Variants in PABPC4L observed in about 807,000 individuals in gnomAD.
PABPC4L encodes poly(A) binding protein cytoplasmic 4 like.
For missense variants in PABPC4L, 452 were observed against 451.4 expected (o/e 1.00, Z -0.01); for synonymous variants, 169 against 164.1 (o/e 1.03, Z -0.23).
At chr4:134,093,881 A>T in the PABPC4L span, among the ~76,000 whole-genome samples, 2 of 151,294 alleles carry the variant, frequency 1.3e-5, no homozygotes, top group African/African-American at 4.8e-5. Flanking sequence ...GCCTATATTT[A>T]TATTTGTATA....
the PABPC4L span, among the ~76,000 whole-genome samples, chr4:134,026,109 G>A: frequency 6.6e-5 from 10 of 152,152 alleles, no homozygotes; most frequent in Admixed American, 5.9e-4. Flanking sequence ...TGTCACCCTG[G>A]TGTTTGAGTT....
At chr4:134,072,767 T>A in the PABPC4L span, among the ~76,000 whole-genome samples, 1 of 152,110 alleles carries the variant, frequency 6.6e-6, no homozygotes, top group African/African-American at 2.4e-5. Context: ...AGACTTACTA[T>A]CATGGTGAAA....
chr4:134,157,286 A>G, the PABPC4L span, among the ~76,000 whole-genome samples: 2 of 151,132 alleles, frequency 1.3e-5, no homozygotes, highest in African/African-American at 2.4e-5. Flanking sequence ...TTTAGTATTA[A>G]GATTTCATTT....
At chr4:134,067,297 A>C in the PABPC4L span, among the ~76,000 whole-genome samples, 2 of 152,066 alleles carry the variant, frequency 1.3e-5, no homozygotes, top group Non-Finnish European at 2.9e-5. Flanking sequence ...CATTTCTTCT[A>C]GGTTTTCTAG....
chr4:134,195,878 C>T (rs1031273705), downstream of PABPC4L, among the ~76,000 whole-genome samples: 2 of 151,754 alleles, frequency 1.3e-5, no homozygotes, highest in Middle Eastern at 3.4e-3. Context: ...AGTACACATG[C>T]ACTTGGGAGA....
At chr4:134,088,003 G>A in the PABPC4L span, among the ~76,000 whole-genome samples, 84 of 152,040 alleles carry the variant, frequency 5.5e-4, 1 homozygote, top group African/African-American at 1.9e-3. Flanking sequence ...TATAAAGCCT[G>A]ACTGTTCTTT....
the PABPC4L span, among the ~76,000 whole-genome samples, chr4:134,175,487 C>T: frequency 2.6e-5 from 4 of 151,776 alleles, no homozygotes; most frequent in African/African-American, 7.3e-5. Flanking sequence ...CTCGCTCTGT[C>T]GCCCAGGCTG....
chr4:133,998,084 C>A, the PABPC4L span, among the ~76,000 whole-genome samples: 2 of 151,768 alleles, frequency 1.3e-5, no homozygotes, highest in African/African-American at 4.8e-5. Context: ...TACTTATATA[C>A]TTCTGATGTG....
At chr4:134,084,867 A>G in the PABPC4L span, among the ~76,000 whole-genome samples, 827 of 152,248 alleles carry the variant, frequency 5.4e-3, 5 homozygotes, top group Non-Finnish European at 8.3e-3. Flanking sequence ...CAAGACAGGG[A>G]AAGATTAGGC....
At chr4:134,158,746 A>G in the PABPC4L span, among the ~76,000 whole-genome samples, 1 of 152,142 alleles carries the variant, frequency 6.6e-6, no homozygotes, top group East Asian at 1.9e-4. Context: ...GTACCAGAAT[A>G]TAAATATGGT....
At chr4:133,963,925 CA>C in the PABPC4L span, among the ~76,000 whole-genome samples, 2 of 151,518 alleles carry the variant, frequency 1.3e-5, no homozygotes. Flanking sequence ...ACTAGAGAAA[CA>C]AAACAAAACA....
the PABPC4L span, among the ~76,000 whole-genome samples, chr4:134,003,056 T>C: frequency 1.3e-5 from 2 of 151,914 alleles, no homozygotes; most frequent in African/African-American, 4.8e-5. Context: ...TTAAATTCAT[T>C]TCAGGGGTGT....
chr4:134,010,753 C>T, the PABPC4L span: 2 of 152,146 alleles, frequency 1.3e-5, no homozygotes, highest in African/African-American at 4.8e-5. Context: ...CTTCTACCCA[C>T]AGTCCTTTGG....
chr4:133,971,457 A>C, the PABPC4L span, among the ~76,000 whole-genome samples: 1 of 152,132 alleles, frequency 6.6e-6, no homozygotes, highest in Non-Finnish European at 1.5e-5. Flanking sequence ...TACAAAAACC[A>C]GCCTCACCCT....
the PABPC4L span, among the ~76,000 whole-genome samples, chr4:134,160,551 T>A: frequency 5.5e-3 from 832 of 152,296 alleles, 7 homozygotes; most frequent in African/African-American, 0.019. Context: ...GATTCTTCAA[T>A]GCCAAGACGT....
the PABPC4L span, among the ~76,000 whole-genome samples, chr4:133,975,469 G>T: frequency 6.6e-6 from 1 of 152,166 alleles, no homozygotes; most frequent in South Asian, 2.1e-4. Flanking sequence ...TTTAAAAAGG[G>T]TGATTTTTAT....
chr4:133,995,811 G>T, the PABPC4L span, among the ~76,000 whole-genome samples: 1 of 152,182 alleles, frequency 6.6e-6, no homozygotes, highest in Non-Finnish European at 1.5e-5. Flanking sequence ...CTGCCTTCCA[G>T]AGGAGATATT....
the PABPC4L span, among the ~76,000 whole-genome samples, chr4:134,008,606 G>T: frequency 1.3e-5 from 2 of 151,744 alleles, no homozygotes; most frequent in Non-Finnish European, 2.9e-5. Flanking sequence ...CAATAATGTA[G>T]AAATAGATCA....
chr4:134,116,489 G>T, the PABPC4L span, among the ~76,000 whole-genome samples: 7 of 151,720 alleles, frequency 4.6e-5, no homozygotes, highest in African/African-American at 1.7e-4. Context: ...AAAGCCATCG[G>T]AATCACTAAA....
Sources: gnomAD v4.1 joint callset for allele counts (sites outside exome capture counted in the v4.1 genomes callset) on GRCh38, gnomAD v4.1.1 for gene constraint, MANE v1.5 for transcripts, NCBI Gene and HGNC (gene_info 2026-07-23, HGNC 2026-07-21) for gene names.